Variants in NPIPB15 observed in about 807,000 individuals in gnomAD.
NPIPB15 encodes nuclear pore complex interacting protein family member B15.
Under a neutral mutation model 35.9 loss-of-function variants are expected in NPIPB15, and 5 were observed. That is an observed-to-expected ratio of 0.14 (90% CI 0.07 to 0.29). The LOEUF (loss-of-function observed/expected upper bound fraction) is 0.29, where lower values mean the gene tolerates loss of function less well. NPIPB15 is among the 10% of genes least tolerant of loss of function. The pLI, the probability that NPIPB15 is intolerant of heterozygous loss-of-function variation, is 1.00. For missense variants in NPIPB15, 100 were observed against 506.1 expected, an observed-to-expected ratio of 0.20 and a Z score of 7.70; for synonymous variants, 43 against 182.0, an observed-to-expected ratio of 0.24 and a Z score of 6.15.
At chr16:74,390,811 A>G (rs1254318348) in intron 7 of NPIPB15, 1 of 100,588 alleles carries the variant, frequency 9.9e-6, no homozygotes, top group African/African-American at 3.6e-5. Flanking sequence ...GACCCTGGGC[A>G]CAATTTCTCC....
In NPIPB15 at chr16:74,377,191, A is replaced by G. The variant is rs1398715445; in HGVS notation, c.-178A>G. 2.2e-5 allele frequency among the ~76,000 whole-genome samples: 3 copies of G among 135,468 alleles called. No homozygotes were observed. Among genetic ancestry groups the G allele is most frequent in the South Asian group, 2.3e-4 (1 of 4,344 alleles). The allele number at this position is 135,468 out of a possible 152,430, so 88.9% of individuals were successfully genotyped here. On this transcript the variant is annotated 5_prime_UTR_variant, in exon 1 of 8. Coordinates refer to ENST00000692376, the MANE Select transcript of NPIPB15 (RefSeq NM_001306094.2). ...CTGAGCGGAGGCTGTAAAACCTGGC[A>G]CTCTGCTTGGGTATGAAGTTCTTCC...
At chr16:74,384,616 C>G (rs78442783) in intron 3 of NPIPB15, among the ~76,000 whole-genome samples, 3,616 of 144,006 alleles carry the variant, frequency 0.025, 2 homozygotes, top group Non-Finnish European at 0.035. Context: ...ATTCACCCGC[C>G]TCAGCCTCCC....
intron 2 of NPIPB15, among the ~76,000 whole-genome samples, chr16:74,379,384 G>A (rs1230896246): frequency 1.3e-5 from 2 of 152,132 alleles, no homozygotes; most frequent in African/African-American, 4.8e-5. Flanking sequence ...CATCTTGAAA[G>A]AAACATTTAA....
rs781756416 is a variant in NPIPB15 at position 74,381,535 on chromosome 16, T to G, written c.86T>G (p.Val29Gly). The G allele has an allele frequency of 1.9e-6, 3 of 1,591,024 alleles. No homozygotes were observed. The highest frequency in any genetic ancestry group is 2.6e-6 in the Non-Finnish European group (3 of 1,175,746). The stretch of plus-strand genomic sequence containing the variant: ...TTCCAGGTCATCAATAGTCTGGCTG[T>G]CTATCGTCATCGTGAGACTGACTTT... ...QPTPVINSLA[V>G]YRHRETDFGV... Residue 29 changes from valine (V) to glycine (G), a missense_variant, in exon 3 of 8, where the codon GTC becomes GGC. Transcript: ENST00000692376.
At chr16:74,386,480 A>G (rs2142683271) in intron 5 of NPIPB15, among the ~76,000 whole-genome samples, 2 of 116,422 alleles carry the variant, frequency 1.7e-5, no homozygotes, top group African/African-American at 6.9e-5. Context: ...TTTTTTTGAG[A>G]CAGAGTCTCA....
rs2012327032 is a variant in NPIPB15, at chr16:74,387,196, G to T, written c.545+1447G>T. On this transcript the variant is annotated intron_variant, in intron 5 of 7. Transcript: ENST00000692376. ...CTATTCTGATGCATGACTCTTCTGG[G>T]TCTCAACCAGAGCCAGTGGACTTCA... Among the ~76,000 whole-genome samples the T allele has an allele frequency of 2.0e-5, 3 of 151,712 alleles. No individual in the cohort carries two copies. In the South Asian group the frequency reaches 6.2e-4, roughly 32 times the overall value.
Position 74,381,620 on chromosome 16 carries a change from G to A in NPIPB15, c.171G>A (p.Leu57=), listed in dbSNP as rs2012000087. The change falls in exon 3 of 8, where the codon TTG becomes TTA. Residue 57 remains leucine (L), a synonymous_variant. Coordinates refer to ENST00000692376, the MANE Select transcript of NPIPB15 (RefSeq NM_001306094.2). ...QHGKTPSPQK[L]DNLIIIIIGF... ...GCAAAACCCCATCTCCACAAAAATT[G>A]GATAATTTGATAATTATCATTATTG... 1 of 1,575,882 alleles carries A rather than the reference G, an allele frequency of 6.3e-7. No individual in the cohort carries two copies. Among genetic ancestry groups the A allele is most frequent in the African/African-American group, 1.3e-5 (1 of 74,342 alleles).
chr16:74,391,984 T>C lies in NPIPB15; in HGVS notation c.1236T>C (p.His412=), dbSNP rs1398405002. ...GGTTGAGTAAGCTGAGAACACGCCA[T>C]TGCACTCAAGCCTGGGCAATAAGAA... ...RRRLSKLRTR[H]CTQAWAIRIN... is the part of the protein sequence containing the mutation. The change falls in exon 8 of 8, where the codon CAT becomes CAC. Residue 412 remains histidine (H), a synonymous_variant. Transcript: ENST00000692376. The C allele has an allele frequency of 7.1e-6, 11 of 1,550,318 alleles. No homozygotes were observed. Among genetic ancestry groups the C allele is most frequent in the African/African-American group, 1.4e-5 (1 of 73,022 alleles).
intron 2 of NPIPB15, among the ~76,000 whole-genome samples, chr16:74,379,651 G>A (rs2011874583): frequency 6.6e-6 from 1 of 150,734 alleles, no homozygotes; most frequent in Non-Finnish European, 1.5e-5. Flanking sequence ...GTGCAGTGGT[G>A]CGATCTCGGC....
chr16:74,389,222 C>G (rs1200070474), intron 5 of NPIPB15, among the ~76,000 whole-genome samples: 234 of 145,194 alleles, frequency 1.6e-3, no homozygotes, highest in African/African-American at 5.6e-3. Flanking sequence ...AAAGAGAATA[C>G]AGCTTTATGA....
rs900076192 is a variant in NPIPB15 at position 74,377,300 on chromosome 16, G to A, written c.-69G>A. On this transcript the variant is annotated 5_prime_UTR_variant, in exon 1 of 8. Transcript: ENST00000692376. ...CCTGGGAGCTCAGGAAGGAAGGAGA[G>A]CCCAGAAGCAGGGACAGGGAGCTGG... 6.6e-6 allele frequency among the ~76,000 whole-genome samples: 1 copy of A among 151,912 alleles called. No homozygotes were observed. Among genetic ancestry groups the A allele is most frequent in the African/African-American group, 2.4e-5 (1 of 41,322 alleles).
chr16:74,380,875 G>A (rs2011950761), intron 2 of NPIPB15, among the ~76,000 whole-genome samples: 1 of 152,208 alleles, frequency 6.6e-6, no homozygotes, highest in African/African-American at 2.4e-5. Context: ...GCTGGGCACG[G>A]TGGCTCACAC....
chr16:74,379,552 AT>A (rs1199486815), intron 2 of NPIPB15, among the ~76,000 whole-genome samples: 1 of 148,602 alleles, frequency 6.7e-6, no homozygotes, highest in African/African-American at 2.5e-5. Flanking sequence ...ATCCCACACT[AT>A]TCATGCCATT....
rs1567414358 is a variant in NPIPB15 at position 74,384,994 on chromosome 16, TGTGTGTGTGTG to T, written c.250-347_250-337del. On this transcript the variant is annotated intron_variant, in intron 3 of 7. Transcript: ENST00000692376. ...CCGTGCCAGCCTCATGTCATTCTTG[TGTGTGTGTGTG>T]TGTGTGTGTGTGTGTGTGTGTGTGT... Among the ~76,000 whole-genome samples the T allele has an allele frequency of 3.8e-3, 92 of 24,080 alleles. No homozygotes were observed. The East Asian group carries it at 0.089, about 23-fold the overall frequency. The allele number at this position is 24,080 out of a possible 152,430, so 15.8% of individuals were successfully genotyped here.
intron 5 of NPIPB15, among the ~76,000 whole-genome samples, chr16:74,386,235 T>C (rs1438402733): frequency 5.4e-5 from 7 of 130,690 alleles, no homozygotes; most frequent in Non-Finnish European, 1.1e-4. Flanking sequence ...TCCACCTGCC[T>C]CAGCCTCCCA....
chr16:74,382,634 T>G (rs2012053183), intron 3 of NPIPB15, among the ~76,000 whole-genome samples: 1 of 152,298 alleles, frequency 6.6e-6, no homozygotes, highest in Admixed American at 6.5e-5. Context: ...TTACCATTCA[T>G]GACAGTAAAA....
At position 74,381,524 on chromosome 16, in the gene NPIPB15, T is replaced by C. The variant is rs1488409582; in HGVS notation, c.75T>C (p.Asn25=). Residue 25 remains asparagine, a synonymous_variant, in exon 3 of 8, where the codon AAT becomes AAC. Coordinates refer to ENST00000692376, the MANE Select transcript of NPIPB15 (RefSeq NM_001306094.2). ...AACTATTATTATTCCAGGTCATCAA[T>C]AGTCTGGCTGTCTATCGTCATCGTG... ...FISHQPTPVI[N]SLAVYRHRET... is the part of the protein sequence containing the mutation. 4.4e-6 allele frequency: 7 copies of C among 1,592,280 alleles called. No homozygotes were observed. The highest frequency in any genetic ancestry group is 1.7e-5 in the Admixed American group (1 of 59,014).
intron 2 of NPIPB15, among the ~76,000 whole-genome samples, chr16:74,379,046 C>T (rs868519530): frequency 0.017 from 2,522 of 151,250 alleles, 69 homozygotes; most frequent in African/African-American, 0.059. Flanking sequence ...GTGATCCGCC[C>T]GCCTTGGCCT....
chr16:74,382,942 G>A (rs1422295387), intron 3 of NPIPB15, among the ~76,000 whole-genome samples: 6 of 86,216 alleles, frequency 7.0e-5, no homozygotes, highest in South Asian at 5.1e-4. Flanking sequence ...TCTCACCCCC[G>A]AAACGAGTCT....
Sources: allele counts gnomAD v4.1 joint callset (sites outside exome capture counted in the v4.1 genomes callset), GRCh38; gene constraint gnomAD v4.1.1; transcripts MANE v1.5; gene names NCBI Gene and HGNC (gene_info 2026-07-23, HGNC 2026-07-21).